The following LEPR variants were observed in gnomAD, a reference collection of about 807,000 sequenced individuals.
LEPR encodes the protein OB receptor.
In LEPR, 56 loss-of-function variants were observed where a neutral mutation model predicts 114.7. The ratio of observed to expected loss-of-function variants is 0.49; its 90% CI spans 0.39 to 0.61. The LOEUF is 0.61. Among genes scored for constraint, LEPR ranks in the 20% least tolerant of loss-of-function variants. The pLI, the probability that LEPR is intolerant of heterozygous loss-of-function variation, is 0.00. For synonymous variants in LEPR, 443 were observed against 461.4 expected (o/e 0.96, Z 0.51); for missense variants, 1,202 against 1,352.9 (o/e 0.89, Z 1.75).
chr1:65,444,209 T>A (rs113987912), intron 2 of LEPR, among the ~76,000 whole-genome samples: 3 of 33,258 alleles, frequency 9.0e-5, no homozygotes, highest in Admixed American at 3.8e-4. Flanking sequence ...TATGCGGTGT[T>A]AAGACCTGAT....
chr1:65,535,189 C>T (rs969796848), intron 2 of LEPR, among the ~76,000 whole-genome samples: 7 of 151,982 alleles, frequency 4.6e-5, no homozygotes, highest in Admixed American at 3.3e-4. Context: ...AACATACTGG[C>T]ATACACATAA....
chr1:65,510,985 C>T (rs78947634), intron 2 of LEPR, among the ~76,000 whole-genome samples: 2,837 of 152,176 alleles, frequency 0.019, 78 homozygotes, highest in South Asian at 0.096. Flanking sequence ...TGCACCCCAC[C>T]CTGGGTGACA....
chr1:65,575,032 A>G (rs533834175), intron 5 of LEPR, among the ~76,000 whole-genome samples: 1 of 152,254 alleles, frequency 6.6e-6, no homozygotes, highest in Admixed American at 6.5e-5. Flanking sequence ...TCATATATCC[A>G]AGGCATACTA....
intron 2 of LEPR, among the ~76,000 whole-genome samples, chr1:65,545,786 G>T (rs866056780): frequency 0.019 from 2,828 of 150,272 alleles, 93 homozygotes; most frequent in African/African-American, 0.064. Flanking sequence ...TAGTTTCTTT[G>T]GCTGTGCAGA....
At chr1:65,453,006 G>A (rs1331690103) in intron 2 of LEPR, among the ~76,000 whole-genome samples, 1 of 152,126 alleles carries the variant, frequency 6.6e-6, no homozygotes, top group African/African-American at 2.4e-5. Context: ...GTTTAGTCTT[G>A]GGAGAGTGTA....
At chr1:65,446,622 T>A (rs1431936844) in intron 2 of LEPR, among the ~76,000 whole-genome samples, 1 of 152,228 alleles carries the variant, frequency 6.6e-6, no homozygotes, top group Non-Finnish European at 1.5e-5. Context: ...TATTGAGTTG[T>A]GTGATTTCTT....
intron 2 of LEPR, among the ~76,000 whole-genome samples, chr1:65,547,443 C>T (rs866917593): frequency 1.3e-5 from 2 of 150,996 alleles, no homozygotes; most frequent in Admixed American, 6.6e-5. Context: ...GTCCTGGACT[C>T]TTTTTGGTTG....
At chr1:65,523,746 G>A (rs1041041545) in intron 2 of LEPR, among the ~76,000 whole-genome samples, 7 of 152,208 alleles carry the variant, frequency 4.6e-5, no homozygotes, top group African/African-American at 1.7e-4. Context: ...ACTAGTTATA[G>A]TGGGTTAAAT....
At chr1:65,569,960 T>C (rs950326034) in intron 3 of LEPR, among the ~76,000 whole-genome samples, 8 of 151,712 alleles carry the variant, frequency 5.3e-5, no homozygotes, top group Middle Eastern at 6.8e-3. Context: ...CATCATCATG[T>C]TGAAGACAAA....
chr1:65,527,441 T>A (rs898972446), intron 2 of LEPR, among the ~76,000 whole-genome samples: 9 of 152,238 alleles, frequency 5.9e-5, no homozygotes, highest in Non-Finnish European at 1.3e-4. Flanking sequence ...TACTTCATAC[T>A]TTCTTTTTGA....
chr1:65,571,728 C>T (rs1161758132), intron 4 of LEPR, among the ~76,000 whole-genome samples: 11 of 132,120 alleles, frequency 8.3e-5, no homozygotes, highest in South Asian at 2.5e-4. Context: ...CCTAGGCGGG[C>T]GGATCACTTG....
intron 1 of LEPR, 34 bp downstream of exon 1, chr1:65,420,774 G>A (rs1486769425): frequency 1.3e-6 from 2 of 1,570,750 alleles, no homozygotes; most frequent in East Asian, 4.7e-5. Flanking sequence ...TTGTCGTGTG[G>A]TGGGGTTGCC....
rs550347312 is a variant in LEPR at position 65,440,000 on chromosome 1, C to CAAAAA, written c.-21+14642_-21+14646dup. The stretch of plus-strand genomic sequence containing the variant: ...TGGGCGAGGAAGAGAGATTCTGTCT[C>CAAAAA]AAAAAAAAAAAAAAAAAAAAAAAAG... On this transcript the variant is annotated intron_variant, in intron 2 of 19. Transcript: ENST00000349533. Among the ~76,000 whole-genome samples, 220 of 58,114 alleles carry CAAAAA rather than the reference C, an allele frequency of 3.8e-3. 1 individual carries two copies. Among genetic ancestry groups the CAAAAA allele is most frequent in the Non-Finnish European group, 4.3e-3 (148 of 34,492 alleles). The allele number at this position is 58,114 out of a possible 152,430, so 38.1% of individuals were successfully genotyped here.
chr1:65,591,928 C>T (rs1440357768), intron 5 of LEPR, among the ~76,000 whole-genome samples: 1 of 151,636 alleles, frequency 6.6e-6, no homozygotes, highest in African/African-American at 2.4e-5. Context: ...AATGATTCTA[C>T]TTAATATCCT....
intron 2 of LEPR, among the ~76,000 whole-genome samples, chr1:65,536,574 C>G (rs1650793578): frequency 6.6e-6 from 1 of 152,108 alleles, no homozygotes; most frequent in Admixed American, 6.5e-5. Flanking sequence ...TATACTTATT[C>G]AGATAGCTCA....
In LEPR at chr1:65,626,086, G is replaced by A. The variant is rs766235086; in HGVS notation, c.2673+3105G>A. On this transcript the variant is annotated intron_variant, in intron 19 of 19. Coordinates refer to ENST00000349533, the MANE Select transcript of LEPR (RefSeq NM_002303.6). ...ATCAGGCCCACATCAGCAAAATGCA[G>A]TTTAAACCTGCAGCAAATTATTTTT... 4 of 1,598,420 alleles carry A rather than the reference G, an allele frequency of 2.5e-6. No homozygotes were observed. In the South Asian group the frequency reaches 3.4e-5, roughly 14 times the overall value.
intron 5 of LEPR, among the ~76,000 whole-genome samples, chr1:65,579,688 C>G (rs1326220283): frequency 6.6e-6 from 1 of 152,168 alleles, no homozygotes; most frequent in East Asian, 1.9e-4. Context: ...CTGATCTTAT[C>G]AGCAGGTTAA....
intron 2 of LEPR, among the ~76,000 whole-genome samples, chr1:65,548,625 T>A (rs1425714199): frequency 1.3e-5 from 2 of 152,198 alleles, no homozygotes; most frequent in African/African-American, 4.8e-5. Flanking sequence ...AGACTAGGAT[T>A]GCAACCCCGG....
rs548152838 is a variant in LEPR at position 65,484,645 on chromosome 1, T to C, written c.-21+59267T>C. Among the ~76,000 whole-genome samples the C allele has an allele frequency of 2.0e-5, 3 of 152,282 alleles. No individual in the cohort carries two copies. In the East Asian group the frequency reaches 5.8e-4, roughly 29 times the overall value. ...CTGGGTGAGGCATAGTGCCATCAGA[T>C]CAGAATCCTGAGTATTTCATGCAAC... On this transcript the variant is annotated intron_variant, in intron 2 of 19. Coordinates refer to ENST00000349533, the MANE Select transcript of LEPR (RefSeq NM_002303.6).
Sources: gnomAD v4.1 joint callset for allele counts (sites outside exome capture counted in the v4.1 genomes callset) on GRCh38, gnomAD v4.1.1 for gene constraint, MANE v1.5 for transcripts, NCBI Gene and HGNC (gene_info 2026-07-23, HGNC 2026-07-21) for gene names.